PUM2: variants seen among roughly 807,000 people sequenced by gnomAD.
PUM2 encodes pumilio homolog 2.
A neutral mutation model predicts 124.5 loss-of-function variants in PUM2; 57 were observed. That is an observed-to-expected ratio of 0.46 (90% CI 0.37 to 0.57). The LOEUF (loss-of-function observed/expected upper bound fraction) is 0.57. Among genes scored for constraint, PUM2 ranks in the 20% least tolerant of loss-of-function variants. The pLI is 0.00. For synonymous variants in PUM2, 460 were observed against 446.1 expected (o/e 1.03, Z -0.39); for missense variants, 1,065 against 1,290.6 (o/e 0.83, Z 2.68).
At chr2:20,302,179 G>A (rs773209672) in intron 7 of PUM2, among the ~76,000 whole-genome samples, 4 of 152,136 alleles carry the variant, frequency 2.6e-5, no homozygotes, top group Non-Finnish European at 5.9e-5. Flanking sequence ...TCCAGTAGCG[G>A]AGAATAAAGG....
intron 1 of PUM2, among the ~76,000 whole-genome samples, chr2:20,336,883 A>G (rs951706018): frequency 6.6e-6 from 1 of 151,434 alleles, no homozygotes; most frequent in African/African-American, 2.4e-5. Context: ...CGGCCTCCCA[A>G]AGTGCTGGGA....
chr2:20,275,022 A>AGATT (rs902326928), intron 13 of PUM2, among the ~76,000 whole-genome samples: 1 of 148,684 alleles, frequency 6.7e-6, no homozygotes, highest in African/African-American at 2.5e-5. Flanking sequence ...AACTGTAGGT[A>AGATT]GATTGCCCCC....
At position 20,308,390 on chromosome 2, in the gene PUM2, T is replaced by C; in HGVS notation, c.713A>G (p.Asp238Gly). Residue 238 changes from aspartate to glycine, a missense_variant, in exon 6 of 21, where the codon GAC becomes GGC. Coordinates refer to ENST00000361078, the MANE Select transcript of PUM2 (RefSeq NM_015317.5). ...CATTGGTACCTGATTACCAGGATAGTCAAACTGTAAGGATTCCAGACCAAC... is the reference window on the plus strand; with the variant it reads ...CATTGGTACCTGATTACCAGGATAGCCAAACTGTAAGGATTCCAGACCAAC... ...EQVGLESLQFDYPGNQVPMDS... is the reference protein window; with the variant it reads ...EQVGLESLQFGYPGNQVPMDS... 6.2e-7 allele frequency: 1 copy of C among 1,614,052 alleles called. No homozygotes were observed. Among genetic ancestry groups the C allele is most frequent in the East Asian group, 2.2e-5 (1 of 44,872 alleles).
At position 20,290,714 on chromosome 2, in the gene PUM2, G is replaced by C; in HGVS notation, c.1229C>G (p.Ala410Gly). 6.2e-6 allele frequency: 10 copies of C among 1,613,464 alleles called. 2 individuals are homozygous for C. In the Middle Eastern group the frequency reaches 1.2e-3, roughly 186 times the overall value. ...TGTTGGATTTGCTGCTGCAGCTGCC[G>C]CAAGTGATTCTGCTTGCTGCCCTTG... Reference protein sequence around the residue: ...GQQGQQAESLAAAAAANPTLA... With the variant: ...GQQGQQAESLGAAAAANPTLA... The change falls in exon 10 of 21, where the codon GCG (alanine) becomes GGG (glycine). Residue 410 changes from alanine to glycine, a missense_variant. Ala to Gly is a moderately conservative substitution (Grantham distance 60). Transcript: ENST00000361078.
intron 1 of PUM2, chr2:20,350,352 G>A (rs1051142057): frequency 4.1e-5 from 25 of 603,408 alleles, no homozygotes; most frequent in South Asian, 7.3e-5. Flanking sequence ...CGGCCCCGCA[G>A]AGGGAAGGAA....
intron 1 of PUM2, among the ~76,000 whole-genome samples, chr2:20,348,651 C>T (rs1435642559): frequency 6.6e-6 from 1 of 152,188 alleles, no homozygotes. Flanking sequence ...ATAAACAAGC[C>T]GGGTGTGGTG....
At chr2:20,314,510 A>C (rs990113354) in intron 3 of PUM2, among the ~76,000 whole-genome samples, 19 of 152,208 alleles carry the variant, frequency 1.2e-4, no homozygotes, top group Non-Finnish European at 2.4e-4. Flanking sequence ...TTTTTGCTGG[A>C]AACTTTTTTG....
chr2:20,345,399 G>A (rs527759624), intron 1 of PUM2, among the ~76,000 whole-genome samples: 11 of 152,132 alleles, frequency 7.2e-5, no homozygotes, highest in African/African-American at 2.6e-4. Flanking sequence ...CATGGGCCAC[G>A]TGCCCACACC....
intron 7 of PUM2, among the ~76,000 whole-genome samples, chr2:20,303,914 C>T (rs1468102455): frequency 6.6e-6 from 1 of 152,228 alleles, no homozygotes; most frequent in Admixed American, 6.5e-5. Context: ...TCTGAAAATA[C>T]TCTTACATTC....
chr2:20,312,166 A>C, intron 4 of PUM2, 70 bp downstream of exon 4: 4 of 1,368,238 alleles, frequency 2.9e-6, no homozygotes, highest in Non-Finnish European at 4.0e-6. Flanking sequence ...AAATTGAATT[A>C]AAAATAAAAG....
At chr2:20,342,418 G>T (rs1397549054) in intron 1 of PUM2, among the ~76,000 whole-genome samples, 1 of 151,800 alleles carries the variant, frequency 6.6e-6, no homozygotes, top group Non-Finnish European at 1.5e-5. Flanking sequence ...CCTTCCTTCT[G>T]TTACTGGCTC....
chr2:20,256,311 A>C, intron 16 of PUM2, 141 bp from the exon 17 acceptor site: 1 of 776,618 alleles, frequency 1.3e-6, no homozygotes, highest in Non-Finnish European at 1.8e-6. Flanking sequence ...TGGGAACACA[A>C]ATATATTCAC....
intron 2 of PUM2, among the ~76,000 whole-genome samples, chr2:20,319,145 A>T (rs907437136): frequency 6.6e-6 from 1 of 152,250 alleles, no homozygotes; most frequent in Admixed American, 6.5e-5. Flanking sequence ...CATAACAAAA[A>T]GCTATGGATG....
rs1482972548 is a variant in PUM2 at position 20,283,455 on chromosome 2, A to G, written c.1323T>C (p.Tyr441=). 6.2e-7 allele frequency: 1 copy of G among 1,613,934 alleles called. No individual in the cohort carries two copies. The highest frequency in any genetic ancestry group is 1.7e-5 in the Admixed American group (1 of 59,960). Residue 441 remains tyrosine, a synonymous_variant, in exon 11 of 21, where the codon TAT becomes TAC. Transcript: ENST00000361078. The stretch of plus-strand genomic sequence containing the variant: ...CAACCACTAAGGCACCAGTCTGATC[A>G]TAATAGGCAGTTGGAGCTAGTACTT... ...GYQVLAPTAY[Y]DQTGALVVGP... is the part of the protein sequence containing the mutation.
In PUM2 at chr2:20,251,430, C is replaced by T. The variant is rs902050620; in HGVS notation, c.*155G>A. On this transcript the variant is annotated 3_prime_UTR_variant, in exon 21 of 21. Transcript: ENST00000361078. ...CCCACCCCCCAAATATACACAAGAA[C>T]CTTAAAAAATTTACAAATGGATGAA... 9.7e-6 allele frequency: 9 copies of T among 928,026 alleles called. No individual in the cohort carries two copies. Among genetic ancestry groups the T allele is most frequent in the Admixed American group, 3.0e-5 (1 of 33,180 alleles). The allele number at this position is 928,026 out of a possible 1,614,324, so 57.5% of individuals were successfully genotyped here.
At position 20,251,408 on chromosome 2, in the gene PUM2, A is replaced by AC; in HGVS notation, c.*176dup. The AC allele has an allele frequency of 1.4e-6, 1 of 689,814 alleles. No individual in the cohort carries two copies. 42.7% of individuals were successfully genotyped at this position (689,814 alleles called of 1,614,324 possible). On this transcript the variant is annotated 3_prime_UTR_variant, in exon 21 of 21. Coordinates refer to ENST00000361078, the MANE Select transcript of PUM2 (RefSeq NM_015317.5). ...GAATATAATTTATAATTCATCCCCC[A>AC]CCCCCCAAATATACACAAGAACCTT...
intron 1 of PUM2, among the ~76,000 whole-genome samples, chr2:20,347,000 T>A (rs898128807): frequency 6.6e-6 from 1 of 152,206 alleles, no homozygotes; most frequent in Non-Finnish European, 1.5e-5. Context: ...GCTACTTCTT[T>A]TTTTGCACTT....
At chr2:20,276,582 G>A (rs567674241) in intron 13 of PUM2, among the ~76,000 whole-genome samples, 5 of 152,092 alleles carry the variant, frequency 3.3e-5, no homozygotes, top group African/African-American at 7.2e-5. Flanking sequence ...TATCAGCCTT[G>A]AGACTTGATT....
chr2:20,283,539 A>ATTTTTTTTTTTTTGTT, intron 10 of PUM2, 53 bp from the exon 11 acceptor site: 1 of 1,527,418 alleles, frequency 6.5e-7, no homozygotes, highest in Non-Finnish European at 8.9e-7. Flanking sequence ...AAACATGCAT[A>ATTTTTTTTTTTTTGTT]TTTGTTTTTC....
Sources: gnomAD v4.1 joint callset for allele counts (sites outside exome capture counted in the v4.1 genomes callset) on GRCh38, gnomAD v4.1.1 for gene constraint, MANE v1.5 for transcripts, NCBI Gene and HGNC (gene_info 2026-07-23, HGNC 2026-07-21) for gene names.